Variants in ASCL5 observed in about 807,000 individuals in gnomAD.
ASCL5 encodes achaete-scute homolog 5.
For synonymous variants in ASCL5, 124 were observed against 131.5 expected (o/e 0.94, Z 0.39); for missense variants, 262 against 268.9 (o/e 0.97, Z 0.18).
At chr1:201,126,366 G>C (rs1205811845) in intron 1 of ASCL5, among the ~76,000 whole-genome samples, 2 of 152,100 alleles carry the variant, frequency 1.3e-5, no homozygotes, top group African/African-American at 4.8e-5. Context: ...CCTGCTGAGT[G>C]GCTGAGATTA....
chr1:201,120,395 A>G (rs1242644314), intron 1 of ASCL5, among the ~76,000 whole-genome samples: 1 of 151,928 alleles, frequency 6.6e-6, no homozygotes, highest in Non-Finnish European at 1.5e-5. Flanking sequence ...CATCTCTCCC[A>G]GGCCTCTCCC....
At position 201,114,808 on chromosome 1, in the gene ASCL5, C is replaced by G. The variant is rs1663300106; in HGVS notation, c.565G>C (p.Glu189Gln). The G allele has an allele frequency of 4.9e-6, 6 of 1,217,894 alleles. No individual in the cohort carries two copies. In the South Asian group the frequency reaches 2.1e-4, roughly 42 times the overall value. The allele number at this position is 1,217,894 out of a possible 1,614,324, so 75.4% of individuals were successfully genotyped here. Reference sequence around the variant, plus strand: ...GGCGACGGGGAGAAGCAGGAGGACTCGGATGACTCCGGCACCAGGGAGGAG... The same window carrying G: ...GGCGACGGGGAGAAGCAGGAGGACTGGGATGACTCCGGCACCAGGGAGGAG... ...APSSLVPESS[E>Q]SSCFSPSPFL... is the part of the protein sequence containing the mutation. The change falls in exon 2 of 2, where the codon GAG (glutamate) becomes CAG (glutamine). Residue 189 changes from glutamate (E) to glutamine (Q), a missense_variant. Physicochemically the swap from Glu to Gln is conservative, Grantham distance 29 (BLOSUM62 2). Transcript: ENST00000449188.
At chr1:201,121,649 T>C (rs1663465597) in intron 1 of ASCL5, among the ~76,000 whole-genome samples, 1 of 152,108 alleles carries the variant, frequency 6.6e-6, no homozygotes, top group Admixed American at 6.5e-5. Flanking sequence ...CATACTTTAG[T>C]AGAGACCCTA....
Position 201,115,053 on chromosome 1 carries a change from C to T in ASCL5, c.320G>A (p.Arg107His). 2.4e-6 allele frequency: 3 copies of T among 1,232,100 alleles called. No individual in the cohort carries two copies. The highest frequency in any genetic ancestry group is 3.0e-6 in the Non-Finnish European group (3 of 988,312). The allele number at this position is 1,232,100 out of a possible 1,614,324, so 76.3% of individuals were successfully genotyped here. Residue 107 changes from arginine to histidine, a missense_variant, in exon 2 of 2, where the codon CGC (arginine) becomes CAC (histidine). By Grantham distance (29) the Arg-to-His change is conservative. Transcript: ENST00000449188. ...KCVNEGYARL[R>H]GHLPGALAEK... ...AGCCAGGGCGCCGGGGAGGTGGCCGCGGAGGCGAGCGTAGCCCTCGTTGAC... is the reference window on the plus strand; with the variant it reads ...AGCCAGGGCGCCGGGGAGGTGGCCGTGGAGGCGAGCGTAGCCCTCGTTGAC...
At position 201,120,884 on chromosome 1, in the gene ASCL5, G is replaced by A. The variant is rs187455359; in HGVS notation, c.-505-5007C>T. Reference sequence around the variant, plus strand: ...GACCAGTCCATAATGCTGCTTTTGGGCAGCAACAGGGAGACTGCTTCCATA... The same window carrying A: ...GACCAGTCCATAATGCTGCTTTTGGACAGCAACAGGGAGACTGCTTCCATA... On this transcript the variant is annotated intron_variant, in intron 1 of 1. Transcript: ENST00000449188. 4.7e-4 allele frequency among the ~76,000 whole-genome samples: 71 copies of A among 152,300 alleles called. 1 individual carries two copies. Among genetic ancestry groups the A allele is most frequent in the Non-Finnish European group, 9.4e-4 (64 of 68,028 alleles).
At chr1:201,117,795 G>A (rs1378032266) in intron 1 of ASCL5, among the ~76,000 whole-genome samples, 1 of 152,200 alleles carries the variant, frequency 6.6e-6, no homozygotes, top group Non-Finnish European at 1.5e-5. Flanking sequence ...TGCATTCTAT[G>A]TCTTCAACCA....
chr1:201,116,703 G>A (rs966408650), intron 1 of ASCL5, among the ~76,000 whole-genome samples: 1 of 152,170 alleles, frequency 6.6e-6, no homozygotes, highest in African/African-American at 2.4e-5. Context: ...GTGCCACCAA[G>A]CTTCATTGCA....
intron 1 of ASCL5, among the ~76,000 whole-genome samples, chr1:201,125,460 G>A (rs1363588082): frequency 2.6e-5 from 4 of 152,142 alleles, no homozygotes; most frequent in Non-Finnish European, 5.9e-5. Flanking sequence ...TTAGCCCCTT[G>A]CCTTTCCACT....
intron 1 of ASCL5, among the ~76,000 whole-genome samples, chr1:201,125,284 G>A (rs1006980083): frequency 3.3e-5 from 5 of 152,180 alleles, no homozygotes; most frequent in African/African-American, 7.2e-5. Flanking sequence ...TCCCAGGCCC[G>A]GCATCTAGGT....
chr1:201,115,022 C>T lies in ASCL5; in HGVS notation c.351G>A (p.Lys117=). 1 of 1,231,938 alleles carries T rather than the reference C, an allele frequency of 8.1e-7. No homozygotes were observed. The highest frequency in any genetic ancestry group is 1.0e-6 in the Non-Finnish European group (1 of 988,170). The allele number at this position is 1,231,938 out of a possible 1,614,324, so 76.3% of individuals were successfully genotyped here. Residue 117 remains lysine (K), a synonymous_variant, in exon 2 of 2, where the codon AAG becomes AAA. Transcript: ENST00000449188. ...RGHLPGALAE[K]RLSKVETLRA... ...GCAGCGTCTCCACCTTGCTGAGTCG[C>T]TTCTCAGCCAGGGCGCCGGGGAGGT...
Position 201,114,868 on chromosome 1 carries a change from G to T in ASCL5, c.505C>A (p.Pro169Thr). 8.2e-7 allele frequency: 1 copy of T among 1,225,826 alleles called. No homozygotes were observed. The highest frequency in any genetic ancestry group is 3.2e-5 in the East Asian group (1 of 31,364). The allele number at this position is 1,225,826 out of a possible 1,614,324, so 75.9% of individuals were successfully genotyped here. A position where few individuals can be genotyped will look rare whatever the true frequency, so the allele number is the denominator to read the frequency against. ...GCCTCGCCGTCGCCAGGGCGGTCGG[G>T]ACGGGGGGTGGCGGGCGGCGCGGGG... ...PCPAPPATPR[P>T]DRPGDGEARA... is the part of the protein sequence containing the mutation. Residue 169 changes from proline (P) to threonine (T), a missense_variant, in exon 2 of 2, where the codon CCC becomes ACC. Pro to Thr is a conservative substitution (Grantham distance 38). Transcript: ENST00000449188.
chr1:201,116,827 AC>A (rs761672802), intron 1 of ASCL5, among the ~76,000 whole-genome samples: 109 of 152,076 alleles, frequency 7.2e-4, no homozygotes, highest in Non-Finnish European at 1.3e-3. Context: ...AGCACTTATC[AC>A]ACTACTCTAT....
At chr1:201,124,819 C>T (rs914221496) in intron 1 of ASCL5, among the ~76,000 whole-genome samples, 11 of 152,200 alleles carry the variant, frequency 7.2e-5, no homozygotes, top group African/African-American at 2.7e-4. Context: ...CTGCAGCCCC[C>T]ACTCCACAGG....
chr1:201,122,225 C>T (rs1163721766), intron 1 of ASCL5, among the ~76,000 whole-genome samples: 3 of 152,326 alleles, frequency 2.0e-5, no homozygotes, highest in African/African-American at 4.8e-5. Context: ...CTGCCCTCCA[C>T]GCCATCCTCC....
intron 1 of ASCL5, among the ~76,000 whole-genome samples, chr1:201,123,908 G>A (rs1028777990): frequency 1.3e-5 from 2 of 152,164 alleles, no homozygotes; most frequent in Non-Finnish European, 2.9e-5. Context: ...AACCTCATTG[G>A]GGGTGGGTTT....
intron 1 of ASCL5, among the ~76,000 whole-genome samples, chr1:201,122,510 T>C (rs1663502869): frequency 6.6e-6 from 1 of 152,118 alleles, no homozygotes; most frequent in Non-Finnish European, 1.5e-5. Flanking sequence ...CTGTTCCTGT[T>C]TACAAAAGAG....
intron 1 of ASCL5, among the ~76,000 whole-genome samples, chr1:201,117,726 G>C (rs552086651): frequency 2.0e-5 from 3 of 152,186 alleles, no homozygotes; most frequent in Non-Finnish European, 4.4e-5. Context: ...GACTGCCTGA[G>C]CGCTCCGGCT....
chr1:201,125,935 C>T (rs1477779320), intron 1 of ASCL5, among the ~76,000 whole-genome samples: 1 of 152,124 alleles, frequency 6.6e-6, no homozygotes, highest in Non-Finnish European at 1.5e-5. Flanking sequence ...CCTGAAAATA[C>T]AAAACTCATC....
chr1:201,114,746 G>A lies in ASCL5; in HGVS notation c.*6C>T. Reference sequence around the variant, plus strand: ...TCCTCCAAGCCGGGGGCGGCCACAGGCCCGATCAATGCCAGGATTCCTCCG... The same window carrying A: ...TCCTCCAAGCCGGGGGCGGCCACAGACCCGATCAATGCCAGGATTCCTCCG... On this transcript the variant is annotated 3_prime_UTR_variant, in exon 2 of 2. Transcript: ENST00000449188. 8.1e-7 allele frequency: 1 copy of A among 1,231,122 alleles called. No homozygotes were observed. Among genetic ancestry groups the A allele is most frequent in the Non-Finnish European group, 1.0e-6 (1 of 987,542 alleles). The allele number at this position is 1,231,122 out of a possible 1,614,324, so 76.3% of individuals were successfully genotyped here. A position where few individuals can be genotyped will look rare whatever the true frequency, so the allele number is the denominator to read the frequency against.
Sources: gnomAD v4.1 joint callset for allele counts (sites outside exome capture counted in the v4.1 genomes callset) on GRCh38, gnomAD v4.1.1 for gene constraint, MANE v1.5 for transcripts, NCBI Gene and HGNC (gene_info 2026-07-23, HGNC 2026-07-21) for gene names.